Variants in ASH2L observed in about 807,000 individuals in gnomAD.
ASH2L encodes the protein set1/Ash2 histone methyltransferase complex subunit ASH2.
Under a neutral mutation model 81.1 loss-of-function variants are expected in ASH2L, and 30 were observed. The observed-to-expected ratio is 0.37, with a 90% CI of 0.28 to 0.50. The LOEUF is 0.50. Ranked by LOEUF, ASH2L falls within the 20% of genes least tolerant of loss-of-function variation. The pLI, the probability that ASH2L is intolerant of heterozygous loss-of-function variation, is 0.95. For synonymous variants in ASH2L, 273 were observed against 279.9 expected, an observed-to-expected ratio of 0.98 and a Z score of 0.24; for missense variants, 559 against 792.1, an observed-to-expected ratio of 0.71 and a Z score of 3.53.
intron 12 of ASH2L, among the ~76,000 whole-genome samples, chr8:38,131,338 A>T (rs1003567935): frequency 5.2e-4 from 79 of 151,808 alleles, no homozygotes; most frequent in Admixed American, 1.2e-3. Flanking sequence ...TACAAAAAAA[A>T]TTTTTTTTCC....
intron 1 of ASH2L, chr8:38,106,072 G>A (rs1347975279): frequency 2.0e-6 from 3 of 1,524,250 alleles, no homozygotes; most frequent in Admixed American, 4.0e-5. Context: ...AGAAGTAACG[G>A]TCACTCTGAA....
intron 10 of ASH2L, among the ~76,000 whole-genome samples, chr8:38,123,727 T>G (rs1250544918): frequency 2.0e-5 from 3 of 152,156 alleles, no homozygotes; most frequent in East Asian, 1.9e-4. Flanking sequence ...CCCTTCTCAC[T>G]CTCTTTTTTC....
At chr8:38,120,276 G>C (rs995991002) in intron 9 of ASH2L, among the ~76,000 whole-genome samples, 1 of 152,222 alleles carries the variant, frequency 6.6e-6, no homozygotes, top group African/African-American at 2.4e-5. Flanking sequence ...AAGGCGACTT[G>C]AGAAAGGATA....
intron 3 of ASH2L, among the ~76,000 whole-genome samples, chr8:38,110,095 TCTC>T (rs1239531310): frequency 2.0e-5 from 3 of 152,188 alleles, no homozygotes; most frequent in African/African-American, 7.2e-5. Context: ...CATGTTAACT[TCTC>T]ATAAAGAGGC....
intron 12 of ASH2L, among the ~76,000 whole-genome samples, chr8:38,132,954 C>T (rs1173349698): frequency 1.3e-5 from 2 of 151,776 alleles, no homozygotes; most frequent in East Asian, 1.9e-4. Context: ...AAAAATTAGC[C>T]GGGTGTGGTG....
intron 12 of ASH2L, 87 bp downstream of exon 12, chr8:38,129,038 A>G (rs2130557023): frequency 2.0e-6 from 3 of 1,517,614 alleles, no homozygotes; most frequent in Admixed American, 2.4e-5. Flanking sequence ...TCTCTTAGGA[A>G]CTGAGCCACA....
chr8:38,125,608 CA>C (rs11304330), intron 10 of ASH2L, among the ~76,000 whole-genome samples: 33,406 of 146,644 alleles, frequency 0.23, 4,161 homozygotes, highest in East Asian at 0.45. Flanking sequence ...AACTCCATCT[CA>C]AAAAAAAAAA....
At chr8:38,117,341 A>G (rs1810948389) in intron 8 of ASH2L, 1 of 509,818 alleles carries the variant, frequency 2.0e-6, no homozygotes, top group Non-Finnish European at 2.5e-6. Flanking sequence ...TACTGTTACT[A>G]ATATTTTAAG....
chr8:38,105,786 C>A (rs1292526803), intron 1 of ASH2L, 48 bp downstream of exon 1: 2 of 1,495,696 alleles, frequency 1.3e-6, no homozygotes, highest in Non-Finnish European at 1.8e-6. Context: ...AGGCCCGCCC[C>A]TCGCGAATCC....
At chr8:38,116,525 C>T (rs1038419229) in intron 7 of ASH2L, 125 bp from the exon 8 acceptor site, 54 of 742,502 alleles carry the variant, frequency 7.3e-5, no homozygotes, top group Non-Finnish European at 1.2e-4. Flanking sequence ...AGAGTAAGGC[C>T]CCATCTCAGA....
In ASH2L at chr8:38,120,978, T is replaced by C. The variant is rs768622235; in HGVS notation, c.994T>C (p.Leu332=). The part of the protein sequence containing the change: ...AQRLPPHGYP[L]EHPFNKDGYR... ...GCGCCTTCCCCCTCATGGCTACCCA[T>C]TGGAACACCCGTTTAACAAAGATGG... Residue 332 remains leucine (L), a synonymous_variant, in exon 10 of 16, where the codon TTG becomes CTG. Transcript: ENST00000343823. The C allele has an allele frequency of 6.2e-7, 1 of 1,613,668 alleles. No individual in the cohort carries two copies. Among genetic ancestry groups the C allele is most frequent in the Non-Finnish European group, 8.5e-7 (1 of 1,179,890 alleles).
Position 38,135,770 on chromosome 8 carries a change from C to CG in ASH2L, c.1719+5dup, listed in dbSNP as rs1262057110. ...CTCACTGTACAAGAGCTGCACGGTA[C>CG]GTACATGTTTCCATCCCATGAGCAA... On this transcript the variant is annotated splice_donor_region_variant and intron_variant, in intron 14 of 15. Coordinates refer to ENST00000343823, the MANE Select transcript of ASH2L (RefSeq NM_004674.5). 6.3e-7 allele frequency: 1 copy of CG among 1,590,616 alleles called. No homozygotes were observed. Among genetic ancestry groups the CG allele is most frequent in the African/African-American group, 1.4e-5 (1 of 73,500 alleles).
intron 12 of ASH2L, 123 bp from the exon 13 acceptor site, chr8:38,133,331 C>T (rs755288209): frequency 5.8e-6 from 4 of 683,860 alleles, no homozygotes; most frequent in Non-Finnish European, 1.0e-5. Flanking sequence ...AACTCAACTG[C>T]AAAGATTTTT....
intron 12 of ASH2L, 78 bp downstream of exon 12, chr8:38,129,029 C>G: frequency 1.3e-6 from 2 of 1,525,238 alleles, no homozygotes; most frequent in East Asian, 2.3e-5. Flanking sequence ...CTTGTGTGAT[C>G]TCTTAGGAAC....
At chr8:38,113,433 C>G (rs1298375029) in intron 5 of ASH2L, among the ~76,000 whole-genome samples, 3 of 152,118 alleles carry the variant, frequency 2.0e-5, no homozygotes, top group East Asian at 3.8e-4. Flanking sequence ...TGTACTTTCC[C>G]TGGTTCCTTT....
rs192570481 is a variant in ASH2L, at chr8:38,126,915, C to T, written c.1166-1376C>T. On this transcript the variant is annotated intron_variant, in intron 10 of 15. Coordinates refer to ENST00000343823, the MANE Select transcript of ASH2L (RefSeq NM_004674.5). Reference sequence around the variant, plus strand: ...TTAAGGCCAGGTGCTGTGGCTCATTCCTGTAATCCCAGAACTTTGGGAGGC... The same window carrying T: ...TTAAGGCCAGGTGCTGTGGCTCATTTCTGTAATCCCAGAACTTTGGGAGGC... 1.4e-3 allele frequency among the ~76,000 whole-genome samples: 205 copies of T among 151,580 alleles called. 1 individual carries two copies. The highest frequency in any genetic ancestry group is 4.0e-3 in the South Asian group (19 of 4,798).
At chr8:38,128,561 A>T in intron 11 of ASH2L, 103 bp downstream of exon 11, 5 of 1,501,340 alleles carry the variant, frequency 3.3e-6, no homozygotes, top group Non-Finnish European at 4.5e-6. Flanking sequence ...GATTGTGGGC[A>T]TAGAATTCAG....
At position 38,139,017 on chromosome 8, in the gene ASH2L, G is replaced by C; in HGVS notation, c.1833G>C (p.Leu611Phe). ...TAGAGCACACCCTGGCTGACGTCTT[G>C]TATCACGTGGAGACAGAAGTGGATG... ...AVVEHTLADV[L>F]YHVETEVDGR... The change falls in exon 16 of 16, where the codon TTG (leucine) becomes TTC (phenylalanine). Residue 611 changes from leucine (L) to phenylalanine (F), a missense_variant. Physicochemically the swap from Leu to Phe is conservative, Grantham distance 22. This residue lies in a region of ASH2L where 95 missense variants were observed against 130.7 expected (regional missense o/e 0.73). Coordinates refer to ENST00000343823, the MANE Select transcript of ASH2L (RefSeq NM_004674.5). 1.9e-6 allele frequency: 3 copies of C among 1,612,202 alleles called. No homozygotes were observed. Among genetic ancestry groups the C allele is most frequent in the Non-Finnish European group, 1.7e-6 (2 of 1,179,122 alleles).
intron 3 of ASH2L, 26 bp downstream of exon 3, chr8:38,107,192 A>C: frequency 6.2e-7 from 1 of 1,610,976 alleles, no homozygotes. Context: ...AGTTTTTGTG[A>C]GAATTGCTCG....
Sources: allele counts gnomAD v4.1 joint callset (sites outside exome capture counted in the v4.1 genomes callset), GRCh38; gene constraint gnomAD v4.1.1; regional missense constraint gnomAD v4.1.1; transcripts MANE v1.5; gene names NCBI Gene and HGNC (gene_info 2026-07-23, HGNC 2026-07-21).